The following ELOVL5 variants were observed in gnomAD, a reference collection of about 807,000 sequenced individuals.
ELOVL5 encodes very long chain fatty acid elongase 5.
Under a neutral mutation model 38.6 loss-of-function variants are expected in ELOVL5, and 8 were observed. The observed-to-expected ratio is 0.21, with a 90% confidence interval of 0.12 to 0.37. ELOVL5 has a LOEUF of 0.37. Ranked by LOEUF, ELOVL5 falls within the 10% of genes least tolerant of loss-of-function variation. The pLI is 1.00. For synonymous variants in ELOVL5, 127 were observed against 133.7 expected (o/e 0.95, Z 0.34); for missense variants, 280 against 367.8 (o/e 0.76, Z 1.95).
intron 1 of ELOVL5, among the ~76,000 whole-genome samples, chr6:53,346,943 T>G (rs1769572253): frequency 6.6e-6 from 1 of 152,228 alleles, no homozygotes; most frequent in Non-Finnish European, 1.5e-5. Flanking sequence ...CAAACCACCA[T>G]TTGGCAGACT....
chr6:53,295,546 C>T lies in ELOVL5; in HGVS notation c.58+96G>A, dbSNP rs79425751. 0.056 allele frequency: 46,434 copies of T among 822,338 alleles called. 1,478 individuals are homozygous for T. Among genetic ancestry groups the T allele is most frequent in the Non-Finnish European group, 0.066 (34,100 of 519,990 alleles). The allele number at this position is 822,338 out of a possible 1,614,324, so 50.9% of individuals were successfully genotyped here. ...AGTTTTAGACTTATCATAGAAAATG[C>T]TAACATTTTCTACTATCTCCTCATG... is the stretch of plus-strand genomic sequence containing the variant. On this transcript the variant is annotated intron_variant, in intron 2 of 7. Transcript: ENST00000304434.
At chr6:53,286,716 GA>G (rs1766583449) in intron 3 of ELOVL5, among the ~76,000 whole-genome samples, 1 of 152,004 alleles carries the variant, frequency 6.6e-6, no homozygotes, top group Admixed American at 6.6e-5. Context: ...TATAATTAAT[GA>G]ATTACATCTA....
Position 53,287,799 on chromosome 6 carries a change from A to T in ELOVL5, c.246+3977T>A, listed in dbSNP as rs116414502. On this transcript the variant is annotated intron_variant, in intron 3 of 7. Coordinates refer to ENST00000304434, the MANE Select transcript of ELOVL5 (RefSeq NM_021814.5). ...GTGCCTCCTTCTGAGGAAAGGAGCC[A>T]GCCATCCTTTCAACACAGTGTTCCT... The T allele has an allele frequency of 3.5e-6, 5 of 1,418,098 alleles. No homozygotes were observed. The African/African-American group carries it at 5.7e-5, about 16-fold the overall frequency. 87.8% of individuals were successfully genotyped at this position (1,418,098 alleles called of 1,614,324 possible). A position where few individuals can be genotyped will look rare whatever the true frequency, so the allele number is the denominator to read the frequency against.
At chr6:53,338,550 T>C (rs1189801668) in intron 1 of ELOVL5, among the ~76,000 whole-genome samples, 1 of 152,202 alleles carries the variant, frequency 6.6e-6, no homozygotes, top group Admixed American at 6.5e-5. Flanking sequence ...TGAAGCATCT[T>C]GTAGAGAAGA....
Position 53,276,245 on chromosome 6 carries a change from T to C in ELOVL5, c.258A>G (p.Gly86=). 6.2e-7 allele frequency: 1 copy of C among 1,610,994 alleles called. No homozygotes were observed. Among genetic ancestry groups the C allele is most frequent in the Non-Finnish European group, 8.5e-7 (1 of 1,177,220 alleles). The change falls in exon 4 of 8, where the codon GGA becomes GGG. Residue 86 remains glycine, a synonymous_variant. Coordinates refer to ENST00000304434, the MANE Select transcript of ELOVL5 (RefSeq NM_021814.5). Reference sequence around the variant, plus strand: ...AGAAGTTGTATTTGCCTTCCCATACTCCTGTTACTAACTAAAAAAGAAGAA... The same window carrying C: ...AGAAGTTGTATTTGCCTTCCCATACCCCTGTTACTAACTAAAAAAGAAGAA... ...SLYMFCELVT[G]VWEGKYNFFC...
chr6:53,278,891 C>T (rs996929368), intron 3 of ELOVL5, among the ~76,000 whole-genome samples: 1 of 152,184 alleles, frequency 6.6e-6, no homozygotes, highest in African/African-American at 2.4e-5. Flanking sequence ...CAGAATGAAA[C>T]CCTGAATCCT....
chr6:53,319,719 T>G (rs1334890378), intron 1 of ELOVL5, among the ~76,000 whole-genome samples: 1 of 152,230 alleles, frequency 6.6e-6, no homozygotes, highest in Non-Finnish European at 1.5e-5. Context: ...TTGGTTCATC[T>G]GGAGTTCTCA....
At position 53,348,894 on chromosome 6, in the gene ELOVL5, C is replaced by A. The variant is rs564783951; in HGVS notation, c.-86G>T. The stretch of plus-strand genomic sequence containing the variant: ...CGGAGGGAGCGCGGGTGGCAGCCGG[C>A]GCAGAGGCGGATGTAGAAGGAGACA... On this transcript the variant is annotated 5_prime_UTR_variant, in exon 1 of 8. Transcript: ENST00000304434. The A allele has an allele frequency of 4.5e-4, 204 of 453,152 alleles. 1 individual carries two copies. The highest frequency in any genetic ancestry group is 3.1e-3 in the South Asian group (198 of 64,740). 28.1% of individuals were successfully genotyped at this position (453,152 alleles called of 1,614,324 possible).
intron 1 of ELOVL5, among the ~76,000 whole-genome samples, chr6:53,312,402 A>C (rs1036551253): frequency 6.6e-6 from 1 of 152,254 alleles, no homozygotes; most frequent in Non-Finnish European, 1.5e-5. Context: ...AACCTGAATG[A>C]ATCTCTAAAG....
chr6:53,288,920 G>T (rs1410990529), intron 3 of ELOVL5, among the ~76,000 whole-genome samples: 2 of 152,062 alleles, frequency 1.3e-5, no homozygotes, highest in East Asian at 3.9e-4. Context: ...ACAAAACTTA[G>T]CTAGACGTGG....
intron 1 of ELOVL5, among the ~76,000 whole-genome samples, chr6:53,297,398 T>C (rs767915980): frequency 5.3e-5 from 8 of 152,268 alleles, no homozygotes; most frequent in Non-Finnish European, 1.0e-4. Flanking sequence ...AATTCATAAG[T>C]TGTAGATTGC....
chr6:53,337,228 G>A (rs1279365523), intron 1 of ELOVL5: 3 of 152,302 alleles, frequency 2.0e-5, no homozygotes, highest in Non-Finnish European at 4.4e-5. Context: ...GTATTGCAGT[G>A]TGAGCAGCTT....
chr6:53,346,342 G>C (rs1348808701), intron 1 of ELOVL5, among the ~76,000 whole-genome samples: 5 of 152,136 alleles, frequency 3.3e-5, no homozygotes, highest in African/African-American at 1.2e-4. Flanking sequence ...CCAAGTCTTT[G>C]CTATTGTAAA....
intron 3 of ELOVL5, chr6:53,290,661 C>T (rs1164676698): frequency 6.6e-6 from 1 of 152,342 alleles, no homozygotes; most frequent in Non-Finnish European, 1.5e-5. Context: ...GCTTATGAAA[C>T]ATACATGGGA....
At chr6:53,338,914 C>T (rs1370177961) in intron 1 of ELOVL5, among the ~76,000 whole-genome samples, 4 of 152,100 alleles carry the variant, frequency 2.6e-5, no homozygotes, top group Non-Finnish European at 5.9e-5. Flanking sequence ...AATTAAAAGA[C>T]GGTGGAGAAA....
At chr6:53,283,383 T>C (rs1766435796) in intron 3 of ELOVL5, among the ~76,000 whole-genome samples, 1 of 152,132 alleles carries the variant, frequency 6.6e-6, no homozygotes, top group Non-Finnish European at 1.5e-5. Flanking sequence ...AAACCTTTAC[T>C]TCTGTTTTAG....
intron 3 of ELOVL5, chr6:53,287,872 G>A: frequency 6.5e-7 from 1 of 1,535,668 alleles, no homozygotes; most frequent in Non-Finnish European, 8.7e-7. Context: ...CCTGTTTTCT[G>A]GCAGCTGCTG....
chr6:53,273,169 G>T, intron 6 of ELOVL5, 51 bp downstream of exon 6: 1 of 1,603,572 alleles, frequency 6.2e-7, no homozygotes, highest in Non-Finnish European at 8.5e-7. Context: ...CCAGGAAGAG[G>T]TCTGTATCCA....
At chr6:53,345,652 A>G (rs558047990) in intron 1 of ELOVL5, among the ~76,000 whole-genome samples, 1 of 152,272 alleles carries the variant, frequency 6.6e-6, no homozygotes, top group Non-Finnish European at 1.5e-5. Flanking sequence ...GGAAGGGAAC[A>G]GATTTTAGAC....
Sources: allele counts gnomAD v4.1 joint callset (sites outside exome capture counted in the v4.1 genomes callset), GRCh38; gene constraint gnomAD v4.1.1; transcripts MANE v1.5; gene names NCBI Gene and HGNC (gene_info 2026-07-23, HGNC 2026-07-21).